NGFR: variants seen among roughly 807,000 people sequenced by gnomAD.
NGFR encodes nerve growth factor receptor, also known as tumor necrosis factor receptor superfamily member 16.
In NGFR, 30 loss-of-function variants were observed where a neutral mutation model predicts 43.2. The ratio of observed to expected loss-of-function variants is 0.69; its 90% CI spans 0.52 to 0.94. The LOEUF is 0.94. Among genes scored for constraint, NGFR ranks in the 40% least tolerant of loss-of-function variants. The pLI is 0.00. For synonymous variants in NGFR, 246 were observed against 259.6 expected (o/e 0.95, Z 0.50); for missense variants, 529 against 602.5 (o/e 0.88, Z 1.28).
intron 2 of NGFR, among the ~76,000 whole-genome samples, chr17:49,503,135 G>T (rs1294873369): frequency 1.3e-5 from 2 of 152,090 alleles, no homozygotes; most frequent in Non-Finnish European, 2.9e-5. Context: ...GACCAGGCTG[G>T]TCTCAAACTT....
intron 1 of NGFR, 63 bp from the exon 2 acceptor site, chr17:49,502,000 A>ACCCGCCC: frequency 7.6e-6 from 2 of 264,886 alleles, no homozygotes; most frequent in East Asian, 1.7e-4. Flanking sequence ...CCCCGGAAGA[A>ACCCGCCC]CCCCCCCCAA....
intron 4 of NGFR, 29 bp from the exon 5 acceptor site, chr17:49,511,863 C>T: frequency 6.4e-7 from 1 of 1,563,910 alleles, no homozygotes; most frequent in Non-Finnish European, 8.7e-7. Flanking sequence ...CCCTCGCCCC[C>T]TGAAACCTGG....
rs1182878418 is a variant in NGFR, at chr17:49,506,492, C to G, written c.402C>G (p.Leu134=). The G allele has an allele frequency of 6.2e-7, 1 of 1,610,898 alleles. No homozygotes were observed. ...GCGTGTGCGAGGCGGGCTCGGGCCT[C>G]GTGTTCTCCTGCCAGGACAAGCAGA... ...ACRVCEAGSG[L]VFSCQDKQNT... is the part of the protein sequence containing the mutation. Residue 134 remains leucine (L), a synonymous_variant, in exon 3 of 6, where the codon CTC becomes CTG. Coordinates refer to ENST00000172229, the MANE Select transcript of NGFR (RefSeq NM_002507.4).
chr17:49,499,808 C>T (rs1308943909), intron 1 of NGFR, among the ~76,000 whole-genome samples: 2 of 152,046 alleles, frequency 1.3e-5, no homozygotes, highest in Non-Finnish European at 2.9e-5. Flanking sequence ...AGGATGGTCT[C>T]GATCTCCTGA....
At chr17:49,498,098 C>T (rs575050021) in intron 1 of NGFR, among the ~76,000 whole-genome samples, 1 of 152,302 alleles carries the variant, frequency 6.6e-6, no homozygotes, top group South Asian at 2.1e-4. Flanking sequence ...CTTTCAGGCC[C>T]GAGACCAGGC....
rs1014377899 is a variant in NGFR, at chr17:49,514,993, A to T, written c.*1984A>T. 6.6e-6 allele frequency: 1 copy of T among 152,168 alleles called. No homozygotes were observed. Among genetic ancestry groups the T allele is most frequent in the African/African-American group, 2.4e-5 (1 of 41,422 alleles). The allele number at this position is 152,168 out of a possible 1,614,324, so 9.4% of individuals were successfully genotyped here. A position where few individuals can be genotyped will look rare whatever the true frequency, so the allele number is the denominator to read the frequency against. On this transcript the variant is annotated 3_prime_UTR_variant, in exon 6 of 6. Coordinates refer to ENST00000172229, the MANE Select transcript of NGFR (RefSeq NM_002507.4). ...AAACGTTAAGTGATGAACATTAAAT[A>T]GCAAAGAAAGAAAAATAGTACAAAG...
At chr17:49,508,891 C>T (rs977356605) in intron 3 of NGFR, among the ~76,000 whole-genome samples, 4 of 152,146 alleles carry the variant, frequency 2.6e-5, no homozygotes, top group Admixed American at 6.5e-5. Flanking sequence ...ATTCATTGGG[C>T]ACCCGGACAT....
rs924988724 is a variant in NGFR, at chr17:49,513,096, G to C, written c.*87G>C. 1.6e-5 allele frequency: 22 copies of C among 1,351,640 alleles called. No homozygotes were observed. The Admixed American group carries it at 4.0e-4, about 25-fold the overall frequency. 83.7% of individuals were successfully genotyped at this position (1,351,640 alleles called of 1,614,324 possible). A position where few individuals can be genotyped will look rare whatever the true frequency, so the allele number is the denominator to read the frequency against. ...TGTGGAGCCCGCACCCCCACCCTTTGGGGGGGGCCCGCCTGGCAGAACTGA... is the reference window on the plus strand; with the variant it reads ...TGTGGAGCCCGCACCCCCACCCTTTCGGGGGGGCCCGCCTGGCAGAACTGA... On this transcript the variant is annotated 3_prime_UTR_variant, in exon 6 of 6. Coordinates refer to ENST00000172229, the MANE Select transcript of NGFR (RefSeq NM_002507.4).
chr17:49,512,003 C>T lies in NGFR; in HGVS notation c.933C>T (p.Ser311=). ...LHSDSGISVD[S]QSLHDQQPHT... is the part of the protein sequence containing the mutation. ...GCGACAGTGGCATCTCCGTGGACAGCCAGAGCCTGCATGACCAGCAGCCCC... is the reference window on the plus strand; with the variant it reads ...GCGACAGTGGCATCTCCGTGGACAGTCAGAGCCTGCATGACCAGCAGCCCC... Residue 311 remains serine, a synonymous_variant, in exon 5 of 6, where the codon AGC becomes AGT. Coordinates refer to ENST00000172229, the MANE Select transcript of NGFR (RefSeq NM_002507.4). The surrounding 1 kb of genome is among the most constrained non-coding windows in gnomAD (Gnocchi z 5.2). 6.2e-7 allele frequency: 1 copy of T among 1,613,822 alleles called. No homozygotes were observed. Among genetic ancestry groups the T allele is most frequent in the Non-Finnish European group, 8.5e-7 (1 of 1,179,914 alleles).
At chr17:49,496,646 C>T (rs558156041) in intron 1 of NGFR, 1 of 152,318 alleles carries the variant, frequency 6.6e-6, no homozygotes, top group South Asian at 2.1e-4. Flanking sequence ...GCGCGCCGCT[C>T]CCCACCTAGC....
chr17:49,507,525 G>A (rs1393200183), intron 3 of NGFR, among the ~76,000 whole-genome samples: 2 of 152,230 alleles, frequency 1.3e-5, no homozygotes, highest in African/African-American at 4.8e-5. Context: ...AGGCCCCAAG[G>A]AGATGGGGTG....
At chr17:49,508,697 A>G (rs2071213878) in intron 3 of NGFR, among the ~76,000 whole-genome samples, 1 of 152,170 alleles carries the variant, frequency 6.6e-6, no homozygotes, top group Admixed American at 6.5e-5. Flanking sequence ...AGGACCTGCC[A>G]AGGGCTTAGT....
chr17:49,511,796 T>C, intron 4 of NGFR, 96 bp from the exon 5 acceptor site: 2 of 1,388,706 alleles, frequency 1.4e-6, no homozygotes, highest in Non-Finnish European at 1.9e-6. Flanking sequence ...GCACCCGCCA[T>C]GCCCCTGGCC....
intron 4 of NGFR, 61 bp downstream of exon 4, chr17:49,510,725 T>A: frequency 6.3e-7 from 1 of 1,591,434 alleles, no homozygotes; most frequent in Non-Finnish European, 8.6e-7. Context: ...AAGACTTTGC[T>A]GTGACCTTGA....
intron 2 of NGFR, among the ~76,000 whole-genome samples, chr17:49,503,491 G>T (rs955046688): frequency 3.9e-5 from 6 of 152,162 alleles, no homozygotes; most frequent in African/African-American, 1.4e-4. Flanking sequence ...TAATCCGGCT[G>T]GGAATAAGGG....
intron 2 of NGFR, among the ~76,000 whole-genome samples, chr17:49,504,769 C>CTTTTTTTTTTTTTTTTT (rs67010321): frequency 9.0e-6 from 1 of 110,930 alleles, no homozygotes; most frequent in Non-Finnish European, 1.9e-5. Context: ...TTCTTTCTTT[C>CTTTTTTTTTTTTTTTTT]TTTTTTTTTT....
chr17:49,506,694 G>GGGGGGGGGGGGGGGGGGGGGC, intron 3 of NGFR, 36 bp downstream of exon 3: 1 of 913,228 alleles, frequency 1.1e-6, no homozygotes, highest in East Asian at 3.1e-5. Context: ...GAGTGGGGGT[G>GGGGGGGGGGGGGGGGGGGGGC]CGGGGGTGGG....
intron 1 of NGFR, among the ~76,000 whole-genome samples, chr17:49,500,787 G>T (rs1007105091): frequency 2.0e-5 from 3 of 152,146 alleles, no homozygotes; most frequent in Admixed American, 6.5e-5. Context: ...GTCTCATGAG[G>T]ACCACAGACT....
intron 1 of NGFR, among the ~76,000 whole-genome samples, chr17:49,498,333 A>G (rs1476761444): frequency 6.6e-6 from 1 of 152,140 alleles, no homozygotes; most frequent in African/African-American, 2.4e-5. Context: ...TCAAGTCTCT[A>G]TGCTACATTA....
Sources: allele counts gnomAD v4.1 joint callset (sites outside exome capture counted in the v4.1 genomes callset), GRCh38; gene constraint gnomAD v4.1.1; non-coding constraint Gnocchi (gnomAD v3.1); transcripts MANE v1.5; gene names NCBI Gene and HGNC (gene_info 2026-07-23, HGNC 2026-07-21).